Variants in CREBBP observed in about 807,000 individuals in gnomAD.
The protein encoded by CREBBP is CREB binding lysine acetyltransferase, also known as CREB-binding protein.
CREBBP carries 19 observed loss-of-function variants against 265.0 expected under a neutral mutation model. The ratio of observed to expected loss-of-function variants is 0.07; its 90% CI spans 0.05 to 0.11. The LOEUF (loss-of-function observed/expected upper bound fraction) is 0.11, where lower values mean the gene tolerates loss of function less well. CREBBP is among the 10% of genes least tolerant of loss of function. The pLI is 1.00. For missense variants in CREBBP, 2,525 were observed against 3,219.0 expected, an observed-to-expected ratio of 0.78 and a Z score of 5.22; for synonymous variants, 1,457 against 1,223.7, an observed-to-expected ratio of 1.19 and a Z score of -3.98.
At chr16:3,812,204 T>G (rs954445795) in intron 2 of CREBBP, among the ~76,000 whole-genome samples, 1 of 151,840 alleles carries the variant, frequency 6.6e-6, no homozygotes, top group Non-Finnish European at 1.5e-5. Context: ...TTTTTGAGAG[T>G]GTGTCACTCT....
chr16:3,775,921 C>CT (rs35453514), intron 11 of CREBBP, among the ~76,000 whole-genome samples: 1 of 146,798 alleles, frequency 6.8e-6, no homozygotes, highest in African/African-American at 2.5e-5. Flanking sequence ...TGATTTCTTT[C>CT]TTTTTTTTTT....
intron 4 of CREBBP, among the ~76,000 whole-genome samples, chr16:3,792,749 TAAAGG>T (rs1472207051): frequency 6.6e-6 from 1 of 152,182 alleles, no homozygotes; most frequent in African/African-American, 2.4e-5. Context: ...GAATAAAGAT[TAAAGG>T]AAAGTACAGC....
At chr16:3,791,734 G>C (rs2053512044) in intron 5 of CREBBP, among the ~76,000 whole-genome samples, 2 of 152,200 alleles carry the variant, frequency 1.3e-5, no homozygotes, top group Non-Finnish European at 2.9e-5. Context: ...TCAAGTGCAT[G>C]TATGCAGGGG....
chr16:3,790,578 A>G (rs2053485087), intron 5 of CREBBP, among the ~76,000 whole-genome samples: 1 of 151,944 alleles, frequency 6.6e-6, no homozygotes, highest in Admixed American at 6.6e-5. Context: ...TCCAACTCCC[A>G]ACCTCAGGTG....
At chr16:3,814,258 T>A (rs2053995695) in intron 2 of CREBBP, among the ~76,000 whole-genome samples, 1 of 143,590 alleles carries the variant, frequency 7.0e-6, no homozygotes, top group Non-Finnish European at 1.5e-5. Flanking sequence ...TGTGTGTGTG[T>A]GTGTGTGTGT....
intron 1 of CREBBP, among the ~76,000 whole-genome samples, chr16:3,865,098 T>A (rs545729292): frequency 6.6e-6 from 1 of 152,330 alleles, no homozygotes; most frequent in Admixed American, 6.5e-5. Flanking sequence ...TAGCAATGTA[T>A]ACCTGGAGAA....
At chr16:3,856,960 C>A (rs1395589600) in intron 1 of CREBBP, among the ~76,000 whole-genome samples, 1 of 152,114 alleles carries the variant, frequency 6.6e-6, no homozygotes, top group African/African-American at 2.4e-5. Context: ...CAGTGTAGAA[C>A]AATGGGAACA....
chr16:3,732,946 C>T (rs1029164124), intron 28 of CREBBP, among the ~76,000 whole-genome samples: 7 of 152,018 alleles, frequency 4.6e-5, no homozygotes, highest in Non-Finnish European at 7.4e-5. Context: ...GTGATCCGCC[C>T]GCCTGAGCCT....
chr16:3,785,411 C>T (rs1481968037), intron 5 of CREBBP, among the ~76,000 whole-genome samples: 2 of 152,364 alleles, frequency 1.3e-5, no homozygotes, highest in Admixed American at 6.5e-5. Context: ...TAATAATCAC[C>T]TAATGCACCC....
intron 15 of CREBBP, among the ~76,000 whole-genome samples, chr16:3,768,136 G>GTTTTTTTTTTTTTTT (rs71133655): frequency 5.8e-5 from 3 of 51,610 alleles, no homozygotes; most frequent in East Asian, 1.4e-3. Flanking sequence ...ATTTAAAAGT[G>GTTTTTTTTTTTTTTT]TTTTTTTTTT....
At chr16:3,750,323 G>C (rs971174866) in intron 20 of CREBBP, among the ~76,000 whole-genome samples, 1 of 152,200 alleles carries the variant, frequency 6.6e-6, no homozygotes, top group African/African-American at 2.4e-5. Context: ...TGTCTTACAA[G>C]TTAGGTTTTT....
intron 5 of CREBBP, among the ~76,000 whole-genome samples, chr16:3,783,892 C>T (rs1463665730): frequency 6.6e-6 from 1 of 152,228 alleles, no homozygotes; most frequent in Non-Finnish European, 1.5e-5. Context: ...TCAACTTGGA[C>T]ATTTCAAGGT....
intron 16 of CREBBP, among the ~76,000 whole-genome samples, chr16:3,765,915 T>A (rs1460328446): frequency 1.3e-5 from 2 of 151,992 alleles, no homozygotes; most frequent in African/African-American, 4.8e-5. Context: ...AGACCCTGAA[T>A]TCCTGGGCTC....
At chr16:3,822,660 GC>G (rs2054163226) in intron 2 of CREBBP, among the ~76,000 whole-genome samples, 1 of 152,116 alleles carries the variant, frequency 6.6e-6, no homozygotes. Context: ...ATCTTGCCCA[GC>G]TTATTAAATG....
At chr16:3,872,809 G>T (rs554687698) in intron 1 of CREBBP, among the ~76,000 whole-genome samples, 25 of 152,314 alleles carry the variant, frequency 1.6e-4, no homozygotes, top group Non-Finnish European at 2.6e-4. Context: ...AGGAATGCAT[G>T]GAAAACAGGC....
chr16:3,789,093 T>C (rs2053451049), intron 5 of CREBBP, among the ~76,000 whole-genome samples: 1 of 152,180 alleles, frequency 6.6e-6, no homozygotes, highest in African/African-American at 2.4e-5. Context: ...TCACAGAAGT[T>C]AAGAGAGTGG....
chr16:3,826,040 G>A (rs938572573), intron 2 of CREBBP, among the ~76,000 whole-genome samples: 5 of 152,216 alleles, frequency 3.3e-5, no homozygotes, highest in South Asian at 2.1e-4. Flanking sequence ...TAGGCCACAT[G>A]GCAAATCTCC....
intron 1 of CREBBP, among the ~76,000 whole-genome samples, chr16:3,866,146 A>G (rs1234971186): frequency 1.3e-5 from 2 of 152,222 alleles, no homozygotes; most frequent in African/African-American, 4.8e-5. Flanking sequence ...TAGAAAAGAA[A>G]AGGGCACTTT....
At chr16:3,777,686 A>AAACCAC in intron 10 of CREBBP, 29 bp from the exon 11 acceptor site, 1 of 1,612,418 alleles carries the variant, frequency 6.2e-7, no homozygotes, top group South Asian at 1.1e-5. Flanking sequence ...AACAAAAACA[A>AAACCAC]AACCACCCTA....
Sources: gnomAD v4.1 joint callset for allele counts (sites outside exome capture counted in the v4.1 genomes callset) on GRCh38, gnomAD v4.1.1 for gene constraint, MANE v1.5 for transcripts, NCBI Gene and HGNC (gene_info 2026-07-23, HGNC 2026-07-21) for gene names.